Variants in ARHGAP15 observed in about 807,000 individuals in gnomAD.
ARHGAP15 encodes rho GTPase-activating protein 15.
Under a neutral mutation model 63.7 loss-of-function variants are expected in ARHGAP15, and 51 were observed. The observed-to-expected ratio is 0.80, with a 90% CI of 0.64 to 1.01. The LOEUF (loss-of-function observed/expected upper bound fraction) is 1.01, where lower values mean the gene tolerates loss of function less well. Among genes scored for constraint, ARHGAP15 ranks in the 50% least tolerant of loss-of-function variants. The pLI is 0.00. For missense variants in ARHGAP15, 560 were observed against 564.6 expected, an observed-to-expected ratio of 0.99 and a Z score of 0.08; for synonymous variants, 191 against 193.8, an observed-to-expected ratio of 0.99 and a Z score of 0.12.
intron 13 of ARHGAP15, among the ~76,000 whole-genome samples, chr2:143,724,342 A>C (rs1420417965): frequency 6.6e-6 from 1 of 152,232 alleles, no homozygotes; most frequent in African/African-American, 2.4e-5. Context: ...GGACTTTTAG[A>C]AAATTCAGAG....
rs777623739 is a variant in ARHGAP15 at position 143,519,271 on chromosome 2, A to C, written c.832A>C (p.Ile278Leu). 1.1e-5 allele frequency: 18 copies of C among 1,612,194 alleles called. No homozygotes were observed. ...LQEKGLIKDQ[I>L]FGSHLHKVCE... ...CATCTTTGTTTCTTTTGCAGATCAA[A>C]TTTTTGGCTCTCATCTGCACAAAGT... Residue 278 changes from isoleucine (I) to leucine (L), a missense_variant, in exon 10 of 14, where the codon ATT becomes CTT. Ile to Leu is a conservative substitution (Grantham distance 5, BLOSUM62 2). Transcript: ENST00000295095.
chr2:143,291,441 C>T (rs1579129), intron 6 of ARHGAP15, among the ~76,000 whole-genome samples: 23,795 of 66,384 alleles, frequency 0.36, 2,116 homozygotes, highest in Admixed American at 0.45. Flanking sequence ...CAGGCACATA[C>T]ATTTGTGTGT....
intron 6 of ARHGAP15, among the ~76,000 whole-genome samples, chr2:143,361,089 G>C (rs969287533): frequency 1.3e-5 from 2 of 152,000 alleles, no homozygotes; most frequent in Admixed American, 1.3e-4. Flanking sequence ...GGAATCTAAG[G>C]TTCCAGAATT....
At chr2:143,751,650 C>T (rs574487512) in intron 13 of ARHGAP15, among the ~76,000 whole-genome samples, 5 of 152,264 alleles carry the variant, frequency 3.3e-5, no homozygotes, top group African/African-American at 4.8e-5. Context: ...TCAACAATGG[C>T]GTCTGCTGGT....
intron 6 of ARHGAP15, among the ~76,000 whole-genome samples, chr2:143,357,642 G>A (rs1185992112): frequency 6.6e-6 from 1 of 152,110 alleles, no homozygotes; most frequent in Non-Finnish European, 1.5e-5. Context: ...TATTTTTAAA[G>A]CATAGGCAAG....
intron 12 of ARHGAP15, among the ~76,000 whole-genome samples, chr2:143,636,890 C>T (rs1252334666): frequency 6.6e-6 from 1 of 152,070 alleles, no homozygotes; most frequent in Non-Finnish European, 1.5e-5. Context: ...GTTCTGGAGC[C>T]TGGAAGTCCA....
At chr2:143,210,138 T>C (rs1177173251) in intron 3 of ARHGAP15, among the ~76,000 whole-genome samples, 1 of 151,310 alleles carries the variant, frequency 6.6e-6, no homozygotes, top group Non-Finnish European at 1.5e-5. Flanking sequence ...ACGAGGAACA[T>C]ATTTACATCA....
intron 11 of ARHGAP15, among the ~76,000 whole-genome samples, chr2:143,596,957 C>T (rs1302616750): frequency 3.9e-5 from 6 of 152,086 alleles, no homozygotes; most frequent in African/African-American, 1.4e-4. Context: ...TTCAGACCCT[C>T]TAAGGACCTT....
At position 143,557,399 on chromosome 2, in the gene ARHGAP15, A is replaced by T. The variant is rs141334399; in HGVS notation, c.1003+914A>T. ...AAACAAGCCAGTGTGAAAAGGTATG[A>T]TTCCAACAATATACTGGGAAAAGGA... On this transcript the variant is annotated intron_variant, in intron 11 of 13. Transcript: ENST00000295095. Among the ~76,000 whole-genome samples the T allele has an allele frequency of 3.0e-3, 455 of 152,258 alleles. 3 individuals are homozygous for T. The highest frequency in any genetic ancestry group is 0.01 in the African/African-American group (431 of 41,572).
intron 6 of ARHGAP15, among the ~76,000 whole-genome samples, chr2:143,376,631 T>C (rs1264544605): frequency 6.6e-6 from 1 of 152,224 alleles, no homozygotes; most frequent in African/African-American, 2.4e-5. Flanking sequence ...TTAGAAAATT[T>C]GATCTTAATT....
At chr2:143,266,261 C>G (rs1039595516) in intron 6 of ARHGAP15, among the ~76,000 whole-genome samples, 9 of 152,036 alleles carry the variant, frequency 5.9e-5, no homozygotes, top group African/African-American at 2.2e-4. Context: ...TTTGATAATA[C>G]TGTCAATTTA....
At chr2:143,537,038 G>T (rs1054678448) in intron 10 of ARHGAP15, among the ~76,000 whole-genome samples, 2 of 151,980 alleles carry the variant, frequency 1.3e-5, no homozygotes, top group East Asian at 3.9e-4. Flanking sequence ...AGCACCTGTT[G>T]TTTCCTGACT....
At chr2:143,176,019 T>C (rs893344984) in intron 2 of ARHGAP15, among the ~76,000 whole-genome samples, 1 of 152,194 alleles carries the variant, frequency 6.6e-6, no homozygotes, top group Non-Finnish European at 1.5e-5. Context: ...GAGACTATTT[T>C]TTTAAAGACG....
At chr2:143,752,479 G>A (rs1371570219) in intron 13 of ARHGAP15, among the ~76,000 whole-genome samples, 2 of 152,102 alleles carry the variant, frequency 1.3e-5, no homozygotes, top group Non-Finnish European at 1.5e-5. Context: ...GCCACCTTGT[G>A]CCAGGACCCG....
intron 6 of ARHGAP15, among the ~76,000 whole-genome samples, chr2:143,271,719 G>A (rs761228855): frequency 1.3e-5 from 2 of 152,130 alleles, no homozygotes; most frequent in Non-Finnish European, 2.9e-5. Context: ...CTCGTGATCC[G>A]CCCGCCTTGG....
chr2:143,476,932 T>C (rs1443372823), intron 8 of ARHGAP15, among the ~76,000 whole-genome samples: 3 of 152,174 alleles, frequency 2.0e-5, no homozygotes, highest in Non-Finnish European at 2.9e-5. Flanking sequence ...AAGAAGCACT[T>C]GAAAGAAATT....
rs180745465 is a variant in ARHGAP15, at chr2:143,500,044, T to A, written c.826+12549T>A. Among the ~76,000 whole-genome samples, 4 of 151,940 alleles carry A rather than the reference T, an allele frequency of 2.6e-5. No homozygotes were observed. In the South Asian group the frequency reaches 8.3e-4, roughly 31 times the overall value. On this transcript the variant is annotated intron_variant, in intron 9 of 13. Transcript: ENST00000295095. ...GGAAAAGGCACAGTAAAGAGAATAA[T>A]TAAGTGAAATGTAAAGAAATTTATG...
chr2:143,408,013 A>ATATATG (rs1688281505), intron 6 of ARHGAP15, among the ~76,000 whole-genome samples: 1 of 79,246 alleles, frequency 1.3e-5, no homozygotes, highest in East Asian at 4.2e-4. Context: ...ATATATATAT[A>ATATATG]TATATATATA....
chr2:143,658,902 T>A (rs967550300), intron 12 of ARHGAP15, among the ~76,000 whole-genome samples: 81 of 152,366 alleles, frequency 5.3e-4, no homozygotes, highest in African/African-American at 1.9e-3. Context: ...AATCAGGGAC[T>A]GAGTTCGGCT....
Sources: gnomAD v4.1 joint callset for allele counts (sites outside exome capture counted in the v4.1 genomes callset) on GRCh38, gnomAD v4.1.1 for gene constraint, MANE v1.5 for transcripts, NCBI Gene and HGNC (gene_info 2026-07-23, HGNC 2026-07-21) for gene names.